AKNAD1: variants seen among roughly 807,000 people sequenced by gnomAD.
AKNAD1 encodes AKNA domain containing 1.
In AKNAD1, 67 loss-of-function variants were observed where a neutral mutation model predicts 90.8. The ratio of observed to expected loss-of-function variants is 0.74; its 90% CI spans 0.61 to 0.90. The LOEUF (loss-of-function observed/expected upper bound fraction) is 0.90, where lower values mean the gene tolerates loss of function less well. AKNAD1 is among the 40% of genes least tolerant of loss of function. The pLI is 0.00. For missense variants in AKNAD1, 957 were observed against 975.4 expected, an observed-to-expected ratio of 0.98 and a Z score of 0.25; for synonymous variants, 327 against 341.4, an observed-to-expected ratio of 0.96 and a Z score of 0.46.
At chr1:108,816,998 A>G (rs746698938) in intron 15 of AKNAD1, 50 bp downstream of exon 15, 22 of 1,604,988 alleles carry the variant, frequency 1.4e-5, no homozygotes, top group African/African-American at 6.7e-5. Flanking sequence ...GGGCATCAAG[A>G]TCAAACTTAC....
At chr1:108,855,083 G>A (rs1386150233) in intron 1 of AKNAD1, among the ~76,000 whole-genome samples, 1 of 152,108 alleles carries the variant, frequency 6.6e-6, no homozygotes, top group African/African-American at 2.4e-5. Flanking sequence ...TTATCCGTGG[G>A]GATATTTAAA....
At chr1:108,846,858 A>T (rs946788564) in intron 5 of AKNAD1, among the ~76,000 whole-genome samples, 1 of 151,880 alleles carries the variant, frequency 6.6e-6, no homozygotes, top group African/African-American at 2.4e-5. Flanking sequence ...ACTCAACTTG[A>T]CGTCTTGCCT....
At chr1:108,827,354 T>C (rs1207852534) in intron 10 of AKNAD1, 52 bp from the exon 11 acceptor site, 6 of 1,352,866 alleles carry the variant, frequency 4.4e-6, no homozygotes, top group Admixed American at 1.7e-5. Context: ...TTCCAATAGA[T>C]AGGGAAAGTT....
intron 11 of AKNAD1, among the ~76,000 whole-genome samples, chr1:108,825,054 A>G (rs1167500980): frequency 6.6e-6 from 1 of 151,624 alleles, no homozygotes; most frequent in Non-Finnish European, 1.5e-5. Context: ...ATGACACTCA[A>G]GCAGCCTATT....
chr1:108,842,471 T>A (rs1366176640), intron 6 of AKNAD1, among the ~76,000 whole-genome samples: 3 of 152,208 alleles, frequency 2.0e-5, no homozygotes, highest in Non-Finnish European at 4.4e-5. Context: ...AACTACCAGT[T>A]AGAAACTTCA....
At chr1:108,834,190 A>T (rs924750846) in intron 9 of AKNAD1, among the ~76,000 whole-genome samples, 1 of 152,126 alleles carries the variant, frequency 6.6e-6, no homozygotes, top group Non-Finnish European at 1.5e-5. Flanking sequence ...TTTTAACAAG[A>T]TCTGCAGGTG....
intron 9 of AKNAD1, 75 bp from the exon 10 acceptor site, chr1:108,830,725 G>T: frequency 1.4e-6 from 2 of 1,446,632 alleles, no homozygotes; most frequent in Non-Finnish European, 1.9e-6. Flanking sequence ...GCACAGCCCA[G>T]CAAGCAGCTG....
intron 14 of AKNAD1, among the ~76,000 whole-genome samples, chr1:108,819,040 G>A (rs2101155319): frequency 6.6e-6 from 1 of 151,958 alleles, no homozygotes; most frequent in East Asian, 1.9e-4. Flanking sequence ...GTGGAGGGTA[G>A]TAGGTTCAGA....
intron 11 of AKNAD1, among the ~76,000 whole-genome samples, chr1:108,826,437 T>G (rs1189696860): frequency 1.0e-5 from 1 of 97,558 alleles, no homozygotes; most frequent in African/African-American, 4.1e-5. Context: ...TAAACTATCT[T>G]TGAAAAAAAG....
intron 6 of AKNAD1, among the ~76,000 whole-genome samples, chr1:108,839,685 A>AT (rs1022291387): frequency 1.3e-5 from 2 of 152,176 alleles, no homozygotes; most frequent in Non-Finnish European, 2.9e-5. Context: ...AAGCTTATCT[A>AT]TTTGAATCAT....
rs1663742075 is a variant in AKNAD1, at chr1:108,819,497, G to C, written c.2249+1048C>G. Among the ~76,000 whole-genome samples, 3 of 150,788 alleles carry C rather than the reference G, an allele frequency of 2.0e-5. No homozygotes were observed. In the South Asian group the frequency reaches 6.3e-4, roughly 32 times the overall value. ...TAGCTAGCTGTGGTATCACATGCCT[G>C]TACTCCCAGCTACCCAGGAAGCTGT... On this transcript the variant is annotated intron_variant, in intron 14 of 15. Coordinates refer to ENST00000370001, the MANE Select transcript of AKNAD1 (RefSeq NM_152763.5).
In AKNAD1 at chr1:108,852,092, C is replaced by T; in HGVS notation, c.573G>A (p.Glu191=). The change falls in exon 2 of 16, where the codon GAG becomes GAA. Residue 191 remains glutamate, a synonymous_variant. Transcript: ENST00000370001. The part of the protein sequence containing the change: ...SNKPGSATTT[E]ENTSDLEGPV... The stretch of plus-strand genomic sequence containing the variant: ...GCCCTTCTAAATCAGAGGTATTTTC[C>T]TCTGTCGTGGTGGCAGAACCAGGCT... 1.2e-6 allele frequency: 2 copies of T among 1,614,160 alleles called. No individual in the cohort carries two copies. Among genetic ancestry groups the T allele is most frequent in the Non-Finnish European group, 8.5e-7 (1 of 1,180,028 alleles).
chr1:108,836,557 G>A (rs868617655), intron 7 of AKNAD1, among the ~76,000 whole-genome samples: 110 of 152,330 alleles, frequency 7.2e-4, no homozygotes, highest in African/African-American at 2.6e-3. Context: ...CCTTGAATGA[G>A]TGAGATTTTG....
chr1:108,819,300 A>AC (rs34582459), intron 14 of AKNAD1, among the ~76,000 whole-genome samples: 43,126 of 151,868 alleles, frequency 0.28, 6,878 homozygotes, highest in East Asian at 0.69. Flanking sequence ...ACACTAAGAA[A>AC]TTTTTAAATT....
At chr1:108,817,746 C>A (rs1047033874) in intron 14 of AKNAD1, among the ~76,000 whole-genome samples, 5 of 151,374 alleles carry the variant, frequency 3.3e-5, no homozygotes, top group African/African-American at 1.2e-4. Context: ...ACCTCGTGAT[C>A]CGCCCGCCTC....
intron 7 of AKNAD1, among the ~76,000 whole-genome samples, chr1:108,836,315 A>G (rs932124029): frequency 3.3e-5 from 5 of 152,196 alleles, no homozygotes; most frequent in African/African-American, 1.2e-4. Context: ...ATGGGCTGTT[A>G]CATCCACGGT....
chr1:108,820,907 T>G (rs999249654), intron 13 of AKNAD1, among the ~76,000 whole-genome samples: 2 of 151,950 alleles, frequency 1.3e-5, no homozygotes, highest in African/African-American at 2.4e-5. Context: ...ATAAACCCCT[T>G]CCATACTAAC....
At chr1:108,840,301 C>T (rs1457106355) in intron 6 of AKNAD1, among the ~76,000 whole-genome samples, 1 of 152,136 alleles carries the variant, frequency 6.6e-6, no homozygotes, top group Non-Finnish European at 1.5e-5. Context: ...TATGGAAATA[C>T]TTCCTATGAC....
At position 108,820,643 on chromosome 1, in the gene AKNAD1, A is replaced by C; in HGVS notation, c.2168-17T>G. The stretch of plus-strand genomic sequence containing the variant: ...TTAAAAAAGCTGAAAAATGTTAGCT[A>C]TCATTAAATTCAGAGTATCAAAAAT... On this transcript the variant is annotated splice_polypyrimidine_tract_variant and intron_variant, in intron 13 of 15. Transcript: ENST00000370001. 6.5e-7 allele frequency: 1 copy of C among 1,539,052 alleles called. No individual in the cohort carries two copies. Among genetic ancestry groups the C allele is most frequent in the South Asian group, 1.1e-5 (1 of 87,420 alleles).
Sources: allele counts gnomAD v4.1 joint callset (sites outside exome capture counted in the v4.1 genomes callset), GRCh38; gene constraint gnomAD v4.1.1; transcripts MANE v1.5; gene names NCBI Gene and HGNC (gene_info 2026-07-23, HGNC 2026-07-21).